The following GPC6 variants were observed in gnomAD, a reference collection of about 807,000 sequenced individuals.
GPC6 encodes glypican-6.
Under a neutral mutation model 55.2 loss-of-function variants are expected in GPC6, and 14 were observed. That is an observed-to-expected ratio of 0.25 (90% confidence interval 0.17 to 0.40). The LOEUF (loss-of-function observed/expected upper bound fraction) is 0.40, where lower values mean the gene tolerates loss of function less well. Among genes scored for constraint, GPC6 ranks in the 10% least tolerant of loss-of-function variants. The pLI, the probability that GPC6 is intolerant of heterozygous loss-of-function variation, is 1.00. For synonymous variants in GPC6, 278 were observed against 259.6 expected, an observed-to-expected ratio of 1.07 and a Z score of -0.68; for missense variants, 641 against 708.5, an observed-to-expected ratio of 0.90 and a Z score of 1.08.
chr13:94,377,239 A>G (rs1047079170), intron 6 of GPC6, among the ~76,000 whole-genome samples: 3 of 150,222 alleles, frequency 2.0e-5, no homozygotes, highest in Non-Finnish European at 3.0e-5. Context: ...AAAAGAAACT[A>G]CCATCAGAGT....
the GPC6 span, among the ~76,000 whole-genome samples, chr13:93,221,680 C>T: frequency 6.6e-6 from 1 of 152,200 alleles, no homozygotes; most frequent in Non-Finnish European, 1.5e-5. Flanking sequence ...TCATTATTCA[C>T]CCAGGTTTAC....
chr13:93,790,749 A>G (rs1386816293), intron 2 of GPC6, among the ~76,000 whole-genome samples: 2 of 152,214 alleles, frequency 1.3e-5, no homozygotes, highest in Non-Finnish European at 2.9e-5. Context: ...AAGAGACAGC[A>G]TATTCACATG....
intron 4 of GPC6, among the ~76,000 whole-genome samples, chr13:94,173,480 TC>T (rs1014980783): frequency 1.3e-5 from 2 of 152,174 alleles, no homozygotes; most frequent in African/African-American, 4.8e-5. Context: ...CTTCGAGAAT[TC>T]CTTCAAACCC....
intron 1 of GPC6, among the ~76,000 whole-genome samples, chr13:93,335,232 T>C (rs1020928078): frequency 6.6e-6 from 1 of 152,256 alleles, no homozygotes; most frequent in African/African-American, 2.4e-5. Context: ...TGTTACGTTA[T>C]AGAATATAAC....
intron 2 of GPC6, among the ~76,000 whole-genome samples, chr13:93,715,051 T>C (rs1355054581): frequency 6.6e-6 from 1 of 151,660 alleles, no homozygotes; most frequent in Non-Finnish European, 1.5e-5. Context: ...TGGTTTAGGC[T>C]GATTTCTTTA....
At chr13:93,471,042 A>C (rs1879092203) in intron 1 of GPC6, among the ~76,000 whole-genome samples, 1 of 151,996 alleles carries the variant, frequency 6.6e-6, no homozygotes, top group African/African-American at 2.4e-5. Flanking sequence ...AATTTTGTTG[A>C]TTTTTTAAAA....
Position 94,070,600 on chromosome 13 carries a change from G to A in GPC6, c.877+42706G>A, listed in dbSNP as rs115026417. ...TTCCCCAAAGAGCAGACTAGAAAGA[G>A]AAACTATGAGATAATTCAGTGTTGA... On this transcript the variant is annotated intron_variant, in intron 4 of 8. Transcript: ENST00000377047. Among the ~76,000 whole-genome samples, 730 of 152,302 alleles carry A rather than the reference G, an allele frequency of 4.8e-3. 9 individuals are homozygous for A. The highest frequency in any genetic ancestry group is 0.017 in the African/African-American group (693 of 41,586).
At chr13:94,004,931 G>A (rs1881950699) in intron 3 of GPC6, among the ~76,000 whole-genome samples, 1 of 151,876 alleles carries the variant, frequency 6.6e-6, no homozygotes, top group Non-Finnish European at 1.5e-5. Context: ...GCGTGGTGGT[G>A]GATGCCTGAA....
chr13:94,403,532 G>A lies in GPC6; in HGVS notation c.*315G>A, dbSNP rs1045055913. 15 of 310,942 alleles carry A rather than the reference G, an allele frequency of 4.8e-5. No individual in the cohort carries two copies. Among genetic ancestry groups the A allele is most frequent in the South Asian group, 8.3e-5 (2 of 23,968 alleles). 19.3% of individuals were successfully genotyped at this position (310,942 alleles called of 1,614,324 possible). On this transcript the variant is annotated 3_prime_UTR_variant, in exon 9 of 9. Transcript: ENST00000377047. ...TGCTGCAGAAGTAAAGGAATCTCACGTTGTGAGGGTTTTTTTTTTCTCATT... is the reference window on the plus strand; with the variant it reads ...TGCTGCAGAAGTAAAGGAATCTCACATTGTGAGGGTTTTTTTTTTCTCATT...
At chr13:93,322,496 G>C (rs1879489928) in intron 1 of GPC6, among the ~76,000 whole-genome samples, 1 of 140,924 alleles carries the variant, frequency 7.1e-6, no homozygotes, top group Non-Finnish European at 1.5e-5. Context: ...GAGTGCAATG[G>C]TGCATTCTCG....
intron 3 of GPC6, among the ~76,000 whole-genome samples, chr13:94,013,409 G>T (rs1303358936): frequency 3.3e-5 from 5 of 152,100 alleles, no homozygotes; most frequent in Admixed American, 2.0e-4. Flanking sequence ...GGAGTGCTAT[G>T]GCGCGATCTC....
At chr13:94,376,898 T>A (rs1313481646) in intron 6 of GPC6, among the ~76,000 whole-genome samples, 3 of 151,830 alleles carry the variant, frequency 2.0e-5, no homozygotes, top group African/African-American at 7.3e-5. Context: ...TAACGCAGCA[T>A]ATCTACAACT....
Position 93,699,180 on chromosome 13 carries a change from C to A in GPC6, c.320-130974C>A, listed in dbSNP as rs1029628417. On this transcript the variant is annotated intron_variant, in intron 2 of 8. Transcript: ENST00000377047. ...TTTCCTATGCATGAGAAACTACTGACCCAGAGATTTCAACTCTCATTTTGT... is the reference window on the plus strand; with the variant it reads ...TTTCCTATGCATGAGAAACTACTGAACCAGAGATTTCAACTCTCATTTTGT... 2.4e-4 allele frequency among the ~76,000 whole-genome samples: 36 copies of A among 152,028 alleles called. 1 individual carries two copies. The highest frequency in any genetic ancestry group is 3.9e-4 in the Admixed American group (6 of 15,250).
intron 3 of GPC6, among the ~76,000 whole-genome samples, chr13:93,925,706 A>G (rs1429565630): frequency 2.6e-5 from 4 of 152,216 alleles, no homozygotes; most frequent in Non-Finnish European, 5.9e-5. Context: ...ATTTGGGCAT[A>G]GTACAGCTGT....
intron 4 of GPC6, among the ~76,000 whole-genome samples, chr13:94,266,318 G>A (rs902396705): frequency 1.1e-4 from 16 of 152,164 alleles, no homozygotes; most frequent in African/African-American, 2.2e-4. Flanking sequence ...ACAGGCGCCC[G>A]CCACCACTTC....
intron 1 of GPC6, among the ~76,000 whole-genome samples, chr13:93,267,184 ACTT>A (rs1877351954): frequency 6.6e-6 from 1 of 152,180 alleles, no homozygotes; most frequent in South Asian, 2.1e-4. Flanking sequence ...AAGAAGATTT[ACTT>A]CTTAGGATCT....
At chr13:93,996,203 G>A (rs1348084018) in intron 3 of GPC6, among the ~76,000 whole-genome samples, 1 of 152,136 alleles carries the variant, frequency 6.6e-6, no homozygotes, top group Non-Finnish European at 1.5e-5. Flanking sequence ...AAAATTTTTG[G>A]AATAGTATAA....
intron 2 of GPC6, among the ~76,000 whole-genome samples, chr13:93,754,468 A>C (rs190944401): frequency 2.0e-5 from 3 of 152,120 alleles, no homozygotes; most frequent in African/African-American, 7.2e-5. Context: ...GCTAAAAGAG[A>C]TAAATAATTA....
At chr13:93,876,195 A>G (rs1889289237) in intron 3 of GPC6, among the ~76,000 whole-genome samples, 2 of 101,020 alleles carry the variant, frequency 2.0e-5, no homozygotes, top group East Asian at 3.3e-4. Context: ...CATATAATAA[A>G]TGCTTCATAT....
Sources: gnomAD v4.1 joint callset for allele counts (sites outside exome capture counted in the v4.1 genomes callset) on GRCh38, gnomAD v4.1.1 for gene constraint, MANE v1.5 for transcripts, NCBI Gene and HGNC (gene_info 2026-07-23, HGNC 2026-07-21) for gene names.